CLIP3: variants seen among roughly 807,000 people sequenced by gnomAD.
CLIP3 encodes CAP-Gly domain containing linker protein 3, also known as CAP-Gly domain-containing linker protein 3.
A neutral mutation model predicts 59.4 loss-of-function variants in CLIP3; 15 were observed. The observed-to-expected ratio is 0.25, with a 90% confidence interval of 0.17 to 0.39. CLIP3 has a LOEUF of 0.39. Among genes scored for constraint, CLIP3 ranks in the 10% least tolerant of loss-of-function variants. CLIP3 has a pLI of 1.00. For synonymous variants in CLIP3, 300 were observed against 321.6 expected (o/e 0.93, Z 0.72); for missense variants, 495 against 765.7 (o/e 0.65, Z 4.17).
chr19:36,028,996 CTTTTTTT>C (rs71167588), intron 2 of CLIP3, among the ~76,000 whole-genome samples: 1 of 65,276 alleles, frequency 1.5e-5, no homozygotes, highest in African/African-American at 6.6e-5. Flanking sequence ...ATCTCCTACT[CTTTTTTT>C]TTTTTTTTTT....
At position 36,026,356 on chromosome 19, in the gene CLIP3, TC is replaced by T; in HGVS notation, c.563-92del. 8.0e-7 allele frequency: 1 copy of T among 1,250,862 alleles called. No homozygotes were observed. The highest frequency in any genetic ancestry group is 1.1e-6 in the Non-Finnish European group (1 of 871,648). 77.5% of individuals were successfully genotyped at this position (1,250,862 alleles called of 1,614,324 possible). A position where few individuals can be genotyped will look rare whatever the true frequency, so the allele number is the denominator to read the frequency against. Reference sequence around the variant, plus strand: ...CGGGGCTCATCTCTTAACTTGCAGGTCCCAGAGCCTCCGACGCAGAGCCCCG... The same window carrying T: ...CGGGGCTCATCTCTTAACTTGCAGGTCCAGAGCCTCCGACGCAGAGCCCCG... On this transcript the variant is annotated intron_variant, in intron 5 of 13. Transcript: ENST00000360535. This position sits in a 1 kb window ranked among gnomAD's most constrained non-coding sequence, Gnocchi z 6.3.
Position 36,026,113 on chromosome 19 carries a change from G to A in CLIP3, c.681+34C>T. 1 of 1,526,998 alleles carries A rather than the reference G, an allele frequency of 6.5e-7. No individual in the cohort carries two copies. The highest frequency in any genetic ancestry group is 1.4e-5 in the African/African-American group (1 of 73,368). 94.6% of individuals were successfully genotyped at this position (1,526,998 alleles called of 1,614,324 possible). A position where few individuals can be genotyped will look rare whatever the true frequency, so the allele number is the denominator to read the frequency against. The stretch of plus-strand genomic sequence containing the variant: ...GGGAAGTGGGGGAGGAAGGGAGCAG[G>A]AGGGTAACGGGTTCTGGGCAAGGGT... On this transcript the variant is annotated intron_variant, in intron 6 of 13. Transcript: ENST00000360535. The surrounding 1 kb of genome is among the most constrained non-coding windows in gnomAD (Gnocchi z 6.3).
At chr19:36,027,908 C>A (rs941867834) in intron 2 of CLIP3, among the ~76,000 whole-genome samples, 1 of 151,486 alleles carries the variant, frequency 6.6e-6, no homozygotes. Flanking sequence ...TGGTGGTGCG[C>A]ATTGGTGCTA....
intron 7 of CLIP3, among the ~76,000 whole-genome samples, chr19:36,023,137 G>A (rs895525954): frequency 6.6e-6 from 1 of 152,202 alleles, no homozygotes; most frequent in African/African-American, 2.4e-5. Context: ...TACGTGGGAG[G>A]CTAAGACATG....
chr19:36,021,585 G>A (rs1044319724), intron 7 of CLIP3, among the ~76,000 whole-genome samples: 1 of 152,094 alleles, frequency 6.6e-6, no homozygotes, highest in African/African-American at 2.4e-5. Context: ...CACCATGCCT[G>A]GTTAATTTTT....
In CLIP3 at chr19:36,017,417, G is replaced by A. The variant is rs1046896054; in HGVS notation, c.1485C>T (p.Ser495=). Residue 495 remains serine (S), a synonymous_variant, in exon 12 of 14, where the codon AGC becomes AGT. Transcript: ENST00000360535. ...CTTGATGCACTTTTTTGGCTCCAACGCTGTCCCCGGGGGAATCAGTGGATC... is the reference window on the plus strand; with the variant it reads ...CTTGATGCACTTTTTTGGCTCCAACACTGTCCCCGGGGGAATCAGTGGATC... The part of the protein sequence containing the change: ...IGGSTDSPGD[S]VGAKKVHQVT... 13 of 1,614,092 alleles carry A rather than the reference G, an allele frequency of 8.1e-6. No homozygotes were observed. Among genetic ancestry groups the A allele is most frequent in the Admixed American group, 5.0e-5 (3 of 60,000 alleles).
At position 36,017,339 on chromosome 19, in the gene CLIP3, C is replaced by T. The variant is rs767321615; in HGVS notation, c.1516+47G>A. On this transcript the variant is annotated intron_variant, in intron 12 of 13. Transcript: ENST00000360535. ...ACCTGAGAACCCATGACCCTTCCTC[C>T]CATCCCCAAACGTACACTCCTCCCA... 12 of 1,570,340 alleles carry T rather than the reference C, an allele frequency of 7.6e-6. No individual in the cohort carries two copies. The Middle Eastern group carries it at 8.4e-4, about 109-fold the overall frequency.
At position 36,026,102 on chromosome 19, in the gene CLIP3, G is replaced by T; in HGVS notation, c.681+45C>A. ...GACCTGCTGGAGGGAAGTGGGGGAG[G>T]AAGGGAGCAGGAGGGTAACGGGTTC... is the stretch of plus-strand genomic sequence containing the variant. On this transcript the variant is annotated intron_variant, in intron 6 of 13. Coordinates refer to ENST00000360535, the MANE Select transcript of CLIP3 (RefSeq NM_015526.3). The surrounding 1 kb of genome is among the most constrained non-coding windows in gnomAD (Gnocchi z 6.3). 2 of 1,445,028 alleles carry T rather than the reference G, an allele frequency of 1.4e-6. No homozygotes were observed. Among genetic ancestry groups the T allele is most frequent in the Non-Finnish European group, 1.9e-6 (2 of 1,029,606 alleles). The allele number at this position is 1,445,028 out of a possible 1,614,324, so 89.5% of individuals were successfully genotyped here. A position where few individuals can be genotyped will look rare whatever the true frequency, so the allele number is the denominator to read the frequency against.
intron 6 of CLIP3, among the ~76,000 whole-genome samples, chr19:36,025,361 T>C (rs1301632238): frequency 6.7e-6 from 1 of 150,264 alleles, no homozygotes; most frequent in Admixed American, 6.6e-5. Flanking sequence ...GAGGCCGAGG[T>C]GGGCAGATCA....
At position 36,016,342 on chromosome 19, in the gene CLIP3, G is replaced by GGGTT; in HGVS notation, c.1590-131_1590-130insAACC. ...ATTCTGCCTCTACCTCTCTGGCTGT[G>GGGTT]GTTTGTTTGTTTGTTTGTTTTCTGA... On this transcript the variant is annotated intron_variant, in intron 13 of 13. Coordinates refer to ENST00000360535, the MANE Select transcript of CLIP3 (RefSeq NM_015526.3). This position sits in a 1 kb window ranked among gnomAD's most constrained non-coding sequence, Gnocchi z 4.1. The GGGTT allele has an allele frequency of 3.8e-6, 4 of 1,062,236 alleles. No individual in the cohort carries two copies. Among genetic ancestry groups the GGGTT allele is most frequent in the Non-Finnish European group, 5.7e-6 (4 of 704,764 alleles). The allele number at this position is 1,062,236 out of a possible 1,614,324, so 65.8% of individuals were successfully genotyped here.
rs761779973 is a variant in CLIP3 at position 36,026,945 on chromosome 19, C to T, written c.400+7G>A. 7 of 1,533,094 alleles carry T rather than the reference C, an allele frequency of 4.6e-6. No individual in the cohort carries two copies. The Admixed American group carries it at 1.1e-4, about 24-fold the overall frequency. 95.0% of individuals were successfully genotyped at this position (1,533,094 alleles called of 1,614,324 possible). ...GGGCTTATGACTTGGGGGTAGGGGGCCCTCACCGACTCCGTGGGCCCCAGC... is the reference window on the plus strand; with the variant it reads ...GGGCTTATGACTTGGGGGTAGGGGGTCCTCACCGACTCCGTGGGCCCCAGC... On this transcript the variant is annotated splice_region_variant and intron_variant, in intron 4 of 13. Transcript: ENST00000360535. This position sits in a 1 kb window ranked among gnomAD's most constrained non-coding sequence, Gnocchi z 6.3.
chr19:36,031,034 T>TTC (rs1969253571), intron 2 of CLIP3, among the ~76,000 whole-genome samples: 1 of 140,706 alleles, frequency 7.1e-6, no homozygotes, highest in Admixed American at 7.0e-5. Flanking sequence ...TTTTTTTTTT[T>TTC]TTTTTTTGAG....
chr19:36,026,737 C>T lies in CLIP3; in HGVS notation c.411G>A (p.Ala137=), dbSNP rs759873926. The change falls in exon 5 of 14, where the codon GCG becomes GCA. Residue 137 remains alanine, a synonymous_variant. Transcript: ENST00000360535. The surrounding 1 kb of genome is among the most constrained non-coding windows in gnomAD (Gnocchi z 6.3). ...GCTGCTGCGAGAGGCGCACGGCTGC[C>T]GCGGGGTCCCCTGCGCGATAGGCCG... is the stretch of plus-strand genomic sequence containing the variant. ...KAGAHGVGDP[A]AAVRLSQQLL... is the part of the protein sequence containing the mutation. 81 of 1,596,956 alleles carry T rather than the reference C, an allele frequency of 5.1e-5. No individual in the cohort carries two copies. Among genetic ancestry groups the T allele is most frequent in the Non-Finnish European group, 6.6e-5 (77 of 1,175,442 alleles).
Position 36,016,895 on chromosome 19 carries a change from T to A in CLIP3, c.1589+12A>T. ...TGTCACATAGGAGAGGGGACAGGGG[T>A]TGGCCACACACCTGGAAATGGAGTT... On this transcript the variant is annotated intron_variant, in intron 13 of 13. Transcript: ENST00000360535. The surrounding 1 kb of genome is among the most constrained non-coding windows in gnomAD (Gnocchi z 4.1). The A allele has an allele frequency of 6.2e-7, 1 of 1,613,126 alleles. No individual in the cohort carries two copies. The highest frequency in any genetic ancestry group is 8.5e-7 in the Non-Finnish European group (1 of 1,179,516).
rs529279599 is a variant in CLIP3, at chr19:36,020,726, T to C, written c.919-1420A>G. Among the ~76,000 whole-genome samples the C allele has an allele frequency of 6.2e-4, 94 of 152,364 alleles. No homozygotes were observed. The Middle Eastern group carries it at 0.017, about 28-fold the overall frequency. ...CACATGTAGCTTGTAGCTACTTTAC[T>C]GGACAGCACAGACAGAATATTTCCA... On this transcript the variant is annotated intron_variant, in intron 7 of 13. Transcript: ENST00000360535.
chr19:36,019,065 T>A (rs1968881639), intron 8 of CLIP3, 39 bp from the exon 9 acceptor site: 1 of 1,587,200 alleles, frequency 6.3e-7, no homozygotes, highest in South Asian at 1.2e-5. Context: ...TGTCCAAGCC[T>A]CTGCCCTCGG....
rs765490934 is a variant in CLIP3, at chr19:36,017,881, C to T, written c.1294G>A (p.Val432Met). 3.1e-6 allele frequency: 5 copies of T among 1,614,096 alleles called. No individual in the cohort carries two copies. In the South Asian group the frequency reaches 4.4e-5, roughly 14 times the overall value. ...AAGTCTGTCTTCCCGTAGAAGCGCACGATCCCCTGCTTCTGGCCCGCGACA... is the reference window on the plus strand; with the variant it reads ...AAGTCTGTCTTCCCGTAGAAGCGCATGATCCCCTGCTTCTGGCCCGCGACA... The part of the protein sequence containing the change: ...VLVAGQKQGI[V>M]RFYGKTDFAP... The change falls in exon 10 of 14, where the codon GTG becomes ATG. Residue 432 changes from valine (V) to methionine (M), a missense_variant. This residue lies in a region of CLIP3 where 179 missense variants were observed against 226.2 expected (regional missense o/e 0.79). Coordinates refer to ENST00000360535, the MANE Select transcript of CLIP3 (RefSeq NM_015526.3).
chr19:36,020,191 G>A (rs1259610136), intron 7 of CLIP3, among the ~76,000 whole-genome samples: 1 of 151,802 alleles, frequency 6.6e-6, no homozygotes, highest in Non-Finnish European at 1.5e-5. Context: ...GTTCAAGGGT[G>A]CAGTGAGCTA....
intron 10 of CLIP3, 23 bp downstream of exon 10, chr19:36,017,825 C>T (rs202065926): frequency 8.7e-6 from 14 of 1,614,146 alleles, no homozygotes; most frequent in African/African-American, 8.0e-5. Context: ...GCCTGCCTCC[C>T]GGCCCAGAGT....
Sources: allele counts gnomAD v4.1 joint callset (sites outside exome capture counted in the v4.1 genomes callset), GRCh38; gene constraint gnomAD v4.1.1; regional missense constraint gnomAD v4.1.1; non-coding constraint Gnocchi (gnomAD v3.1); transcripts MANE v1.5; gene names NCBI Gene and HGNC (gene_info 2026-07-23, HGNC 2026-07-21).